The following PKHD1 variants were observed in gnomAD, a reference collection of about 807,000 sequenced individuals.
PKHD1 encodes PKHD1 ciliary IPT domain containing fibrocystin/polyductin.
In PKHD1, 291 loss-of-function variants were observed where a neutral mutation model predicts 412.0. The observed-to-expected ratio is 0.71, with a 90% CI of 0.64 to 0.78. The LOEUF (loss-of-function observed/expected upper bound fraction) is 0.78, where lower values mean the gene tolerates loss of function less well. PKHD1 is among the 30% of genes least tolerant of loss of function. PKHD1 has a pLI of 0.00. For missense variants in PKHD1, 4,825 were observed against 4,950.7 expected (o/e 0.97, Z 0.76); for synonymous variants, 1,777 against 1,821.5 (o/e 0.98, Z 0.62).
chr6:52,060,068 C>G (rs1160386108), intron 14 of PKHD1, 26 bp from the exon 15 acceptor site: 1 of 1,230,048 alleles, frequency 8.1e-7, no homozygotes, highest in Admixed American at 1.7e-5. Context: ...TAGAGTCAAG[C>G]AAGAGTAACC....
At chr6:51,855,711 C>A (rs1773179386) in intron 49 of PKHD1, among the ~76,000 whole-genome samples, 182 bp downstream of exon 49, 1 of 152,190 alleles carries the variant, frequency 6.6e-6, no homozygotes. Context: ...GCAACCAAAT[C>A]TCATATTTAG....
chr6:51,958,839 A>AC (rs10676116), intron 36 of PKHD1, among the ~76,000 whole-genome samples: 7 of 151,478 alleles, frequency 4.6e-5, no homozygotes, highest in African/African-American at 1.7e-4. Context: ...ACACACACAC[A>AC]AACACACACA....
chr6:51,901,678 GA>G (rs1158591632), intron 43 of PKHD1, among the ~76,000 whole-genome samples: 5 of 92,018 alleles, frequency 5.4e-5, no homozygotes, highest in Admixed American at 2.3e-4. Context: ...AATAATAAAA[GA>G]AAAAAAAACT....
chr6:52,010,091 G>C (rs776945576), intron 35 of PKHD1, among the ~76,000 whole-genome samples: 2 of 152,056 alleles, frequency 1.3e-5, no homozygotes, highest in Non-Finnish European at 2.9e-5. Context: ...TGCTTTGAAA[G>C]AGCCCGGGCA....
At chr6:51,745,041 T>A (rs1785019968) in intron 59 of PKHD1, among the ~76,000 whole-genome samples, 2 of 151,984 alleles carry the variant, frequency 1.3e-5, no homozygotes, top group South Asian at 4.1e-4. Flanking sequence ...GAATTTAGAG[T>A]CAAGTGGGCT....
At chr6:51,796,842 G>T (rs2151297805) in intron 52 of PKHD1, among the ~76,000 whole-genome samples, 1 of 143,834 alleles carries the variant, frequency 7.0e-6, no homozygotes. Flanking sequence ...TGGAGACAGA[G>T]TCTCATCACT....
At chr6:51,634,589 A>G (rs964703665) in intron 64 of PKHD1, among the ~76,000 whole-genome samples, 2 of 152,236 alleles carry the variant, frequency 1.3e-5, no homozygotes, top group African/African-American at 4.8e-5. Flanking sequence ...TAAGATACAC[A>G]TAACAAACAT....
chr6:51,630,035 G>A (rs575054932), intron 65 of PKHD1, among the ~76,000 whole-genome samples: 3 of 152,158 alleles, frequency 2.0e-5, no homozygotes, highest in Non-Finnish European at 2.9e-5. Context: ...ATATGTCAAC[G>A]TTGAGAAGAT....
intron 60 of PKHD1, among the ~76,000 whole-genome samples, chr6:51,680,615 G>A (rs1442078111): frequency 6.6e-6 from 1 of 151,946 alleles, no homozygotes; most frequent in African/African-American, 2.4e-5. Context: ...TTACAAGAAA[G>A]TGCCATAAAA....
chr6:51,732,583 A>G (rs1394672251), intron 60 of PKHD1, among the ~76,000 whole-genome samples: 1 of 152,218 alleles, frequency 6.6e-6, no homozygotes, highest in Non-Finnish European at 1.5e-5. Context: ...GCAAATCAAA[A>G]TTACAACGAC....
chr6:51,808,519 C>T (rs1206202511), intron 52 of PKHD1, among the ~76,000 whole-genome samples: 3 of 151,978 alleles, frequency 2.0e-5, no homozygotes, highest in Admixed American at 2.0e-4. Flanking sequence ...CTCTCACACA[C>T]ACACACACAT....
chr6:51,724,166 T>C (rs1427518410), intron 60 of PKHD1, among the ~76,000 whole-genome samples: 2 of 152,208 alleles, frequency 1.3e-5, no homozygotes, highest in African/African-American at 4.8e-5. Flanking sequence ...TGAGAGACTG[T>C]ATCTGCATAA....
In PKHD1 at chr6:51,618,281, A is replaced by G. The variant is rs1766228046; in HGVS notation, c.*800T>C. ...CCACTTGGCTTTCTCTGATCTCCCAATGTAGTTCTTTTCCAGTTGTAAATG... is the reference window on the plus strand; with the variant it reads ...CCACTTGGCTTTCTCTGATCTCCCAGTGTAGTTCTTTTCCAGTTGTAAATG... On this transcript the variant is annotated 3_prime_UTR_variant, in exon 67 of 67. Transcript: ENST00000371117. 1 of 152,190 alleles carries G rather than the reference A, an allele frequency of 6.6e-6. No homozygotes were observed. Among genetic ancestry groups the G allele is most frequent in the South Asian group, 2.1e-4 (1 of 4,818 alleles). 9.4% of individuals were successfully genotyped at this position (152,190 alleles called of 1,614,324 possible).
chr6:52,011,724 C>T (rs1799853144), intron 34 of PKHD1, among the ~76,000 whole-genome samples: 1 of 152,258 alleles, frequency 6.6e-6, no homozygotes, highest in South Asian at 2.1e-4. Flanking sequence ...TAGTACATCT[C>T]ACCACTTAAT....
chr6:52,033,957 C>T (rs1803502180), intron 28 of PKHD1, among the ~76,000 whole-genome samples: 1 of 151,832 alleles, frequency 6.6e-6, no homozygotes, highest in African/African-American at 2.4e-5. Context: ...GGAGAAACCC[C>T]ACCTCTACTA....
At chr6:51,655,698 G>T (rs1398959760) in intron 61 of PKHD1, among the ~76,000 whole-genome samples, 1 of 152,150 alleles carries the variant, frequency 6.6e-6, no homozygotes, top group African/African-American at 2.4e-5. Context: ...GCTTGGCTGG[G>T]TTTACTGAAG....
chr6:51,781,260 T>C (rs9463711), intron 53 of PKHD1, among the ~76,000 whole-genome samples: 89,087 of 151,942 alleles, frequency 0.59, 26,876 homozygotes, highest in East Asian at 0.83. Context: ...AACATTCCTC[T>C]CCAGTAGAAC....
chr6:51,871,235 A>C (rs1195953302), intron 46 of PKHD1, among the ~76,000 whole-genome samples: 1 of 152,214 alleles, frequency 6.6e-6, no homozygotes, highest in Non-Finnish European at 1.5e-5. Context: ...AAATGTTCAT[A>C]ACAGTTCCAT....
chr6:52,012,785 C>A (rs1011486695), intron 34 of PKHD1, among the ~76,000 whole-genome samples: 4 of 152,154 alleles, frequency 2.6e-5, no homozygotes, highest in African/African-American at 9.7e-5. Context: ...ATGTTTATAT[C>A]ATAAGTCACT....
Sources: gnomAD v4.1 joint callset for allele counts (sites outside exome capture counted in the v4.1 genomes callset) on GRCh38, gnomAD v4.1.1 for gene constraint, MANE v1.5 for transcripts, NCBI Gene and HGNC (gene_info 2026-07-23, HGNC 2026-07-21) for gene names.